Variants in CCHCR1 observed in about 807,000 individuals in gnomAD.
CCHCR1 encodes the protein coiled-coil alpha-helical rod protein 1.
In CCHCR1, 91 loss-of-function variants were observed where a neutral mutation model predicts 114.6. The observed-to-expected ratio is 0.79, with a 90% CI of 0.67 to 0.94. The LOEUF is 0.94. CCHCR1 is among the 40% of genes least tolerant of loss of function. The probability of loss-of-function intolerance (pLI) is 0.00; values close to 1 mark genes in which losing one functional copy is unlikely to be tolerated. For synonymous variants in CCHCR1, 379 were observed against 428.5 expected, an observed-to-expected ratio of 0.88 and a Z score of 1.43; for missense variants, 899 against 1,079.9, an observed-to-expected ratio of 0.83 and a Z score of 2.35.
chr6:31,158,053 C>G, upstream of CCHCR1: 1 of 187,298 alleles, frequency 5.3e-6, no homozygotes, highest in Non-Finnish European at 1.1e-5. Flanking sequence ...ATCTCTTCAT[C>G]TGTCCCTTCA....
Position 31,157,666 on chromosome 6 carries a change from A to T in CCHCR1, c.-66T>A. 1 of 1,301,320 alleles carries T rather than the reference A, an allele frequency of 7.7e-7. No homozygotes were observed. Among genetic ancestry groups the T allele is most frequent in the Non-Finnish European group, 1.1e-6 (1 of 928,718 alleles). 80.6% of individuals were successfully genotyped at this position (1,301,320 alleles called of 1,614,324 possible). ...GCCTAGATCCCCAGGCAGAAAAGCC[A>T]GCGTCCTGACATCTTATTCAAATCT... On this transcript the variant is annotated 5_prime_UTR_variant, in exon 1 of 18. Coordinates refer to ENST00000396268, the MANE Select transcript of CCHCR1 (RefSeq NM_001105564.2).
intron 3 of CCHCR1, among the ~76,000 whole-genome samples, chr6:31,155,125 T>C (rs1775803151): frequency 6.6e-6 from 1 of 152,044 alleles, no homozygotes; most frequent in Admixed American, 6.6e-5. Flanking sequence ...ATTCTTTTTG[T>C]TTTTTGGTGG....
rs778324681 is a variant in CCHCR1 at position 31,142,987 on chromosome 6, C to G, written c.2467G>C (p.Val823Leu). 1.9e-6 allele frequency: 3 copies of G among 1,612,552 alleles called. No individual in the cohort carries two copies. The highest frequency in any genetic ancestry group is 1.7e-6 in the Non-Finnish European group (2 of 1,179,718). Reference sequence around the variant, plus strand: ...CCTTTTATGGACTCCCTGGTGGGCACTGCTGCTGCTACAGGTGCAGATGCT... The same window carrying G: ...CCTTTTATGGACTCCCTGGTGGGCAGTGCTGCTGCTACAGGTGCAGATGCT... The part of the protein sequence containing the change: ...CSASAPVAAA[V>L]PTRESIKGSL... Residue 823 changes from valine to leucine, a missense_variant, in exon 17 of 18, where the codon GTG becomes CTG. By Grantham distance (32) the Val-to-Leu change is conservative (BLOSUM62 1). Coordinates refer to ENST00000396268, the MANE Select transcript of CCHCR1 (RefSeq NM_001105564.2).
intron 10 of CCHCR1, among the ~76,000 whole-genome samples, chr6:31,146,878 T>C (rs9263750): frequency 0.16 from 24,121 of 152,112 alleles, 2,029 homozygotes; most frequent in South Asian, 0.17. Flanking sequence ...GGATTGAACC[T>C]GGGTGGTAGG....
Position 31,142,452 on chromosome 6 carries a change from G to T in CCHCR1, c.*140C>A. On this transcript the variant is annotated 3_prime_UTR_variant, in exon 18 of 18. Transcript: ENST00000396268. ...CCAAACAATGGCTCCTTCTGTAGTC[G>T]TCTTTATTTAGAGCAGAATTCAGAC... The T allele has an allele frequency of 1.5e-6, 1 of 669,982 alleles. No individual in the cohort carries two copies. Among genetic ancestry groups the T allele is most frequent in the Non-Finnish European group, 2.5e-6 (1 of 397,534 alleles). The allele number at this position is 669,982 out of a possible 1,614,324, so 41.5% of individuals were successfully genotyped here.
Position 31,142,487 on chromosome 6 carries a change from A to T in CCHCR1, c.*105T>A. The T allele has an allele frequency of 4.0e-6, 4 of 1,011,780 alleles. No individual in the cohort carries two copies. The South Asian group carries it at 6.2e-5, about 16-fold the overall frequency. The allele number at this position is 1,011,780 out of a possible 1,614,324, so 62.7% of individuals were successfully genotyped here. ...AGAGCAGAATTCAGACTCAGCTGGT[A>T]TCCCCCAGGGCAACCCCAGGATGGG... On this transcript the variant is annotated 3_prime_UTR_variant, in exon 18 of 18. Transcript: ENST00000396268.
intron 10 of CCHCR1, among the ~76,000 whole-genome samples, chr6:31,147,390 ACT>A (rs1774487890): frequency 1.6e-5 from 2 of 125,004 alleles, no homozygotes; most frequent in African/African-American, 3.3e-5. Flanking sequence ...ACAGTGCGAG[ACT>A]CTGTCTCAAA....
chr6:31,142,925 C>A, intron 17 of CCHCR1, 38 bp downstream of exon 17: 1 of 1,594,890 alleles, frequency 6.3e-7, no homozygotes, highest in Non-Finnish European at 8.6e-7. Flanking sequence ...CTGAAGTGCG[C>A]GCATTTGTCC....
At chr6:31,152,296 AAC>A (rs1775354984) in intron 4 of CCHCR1, among the ~76,000 whole-genome samples, 1 of 151,682 alleles carries the variant, frequency 6.6e-6, no homozygotes, top group Non-Finnish European at 1.5e-5. Context: ...AAAAAAAAAA[AAC>A]AACCTTTCAA....
chr6:31,157,890 T>C (rs1776325477), upstream of CCHCR1: 2 of 506,766 alleles, frequency 3.9e-6, no homozygotes, highest in Admixed American at 6.8e-5. Flanking sequence ...TCTACCTTTT[T>C]CTGAAGGAAT....
rs181951869 is a variant in CCHCR1, at chr6:31,156,639, A to G, written c.497+92T>C. On this transcript the variant is annotated intron_variant, in intron 3 of 17. Transcript: ENST00000396268. ...TTACATAAAAATGAGTACGTTCTGG[A>G]AACTAGGGCCGAAATAGGGTAAGGA... 5,201 of 1,103,298 alleles carry G rather than the reference A, an allele frequency of 4.7e-3. 77 individuals carry two copies. The highest frequency in any genetic ancestry group is 0.03 in the South Asian group (2,211 of 73,634). 68.3% of individuals were successfully genotyped at this position (1,103,298 alleles called of 1,614,324 possible).
At chr6:31,157,903 T>A (rs1776329201), upstream of CCHCR1, 1 of 479,028 alleles carries the variant, frequency 2.1e-6, no homozygotes, top group South Asian at 2.4e-5. Flanking sequence ...GAAGGAATTA[T>A]TCTGGTCCTG....
At chr6:31,149,842 T>C (rs3130498) in intron 8 of CCHCR1, among the ~76,000 whole-genome samples, 113,602 of 152,082 alleles carry the variant, frequency 0.75, 42,458 homozygotes, top group Middle Eastern at 0.85. Flanking sequence ...CCACTGCACC[T>C]GGCTTCAATC....
At position 31,145,203 on chromosome 6, in the gene CCHCR1, G is replaced by T. The variant is rs751470127; in HGVS notation, c.1839C>A (p.Arg613=). The T allele has an allele frequency of 1.9e-6, 3 of 1,613,250 alleles. No individual in the cohort carries two copies. The highest frequency in any genetic ancestry group is 2.7e-5 in the African/African-American group (2 of 75,054). Residue 613 remains arginine (R), a synonymous_variant, in exon 13 of 18, where the codon CGC becomes CGA. Coordinates refer to ENST00000396268, the MANE Select transcript of CCHCR1 (RefSeq NM_001105564.2). ...RLDAELQLSA[R]LIQQEVGRAR... is the part of the protein sequence containing the mutation. ...CCCGGCCCACCTCCTGCTGGATGAGGCGGGCACTCAGCTGCAGTTCTGCAT... is the reference window on the plus strand; with the variant it reads ...CCCGGCCCACCTCCTGCTGGATGAGTCGGGCACTCAGCTGCAGTTCTGCAT...
In CCHCR1 at chr6:31,144,276, C is replaced by G. The variant is rs1773976727; in HGVS notation, c.2167+411G>C. 6.6e-6 allele frequency among the ~76,000 whole-genome samples: 1 copy of G among 152,126 alleles called. No homozygotes were observed. Among genetic ancestry groups the G allele is most frequent in the Non-Finnish European group, 1.5e-5 (1 of 68,024 alleles). On this transcript the variant is annotated intron_variant, in intron 15 of 17. Coordinates refer to ENST00000396268, the MANE Select transcript of CCHCR1 (RefSeq NM_001105564.2). The surrounding 1 kb of genome is among the most constrained non-coding windows in gnomAD (Gnocchi z 4.6). ...TGGCACAATCTTGGCTCACTGCAGC[C>G]TCGACCTCCCGGGTTCATGTAGTCT...
At chr6:31,152,163 C>T (rs1029545315) in intron 4 of CCHCR1, among the ~76,000 whole-genome samples, 8 of 150,508 alleles carry the variant, frequency 5.3e-5, no homozygotes, top group Non-Finnish European at 8.9e-5. Context: ...GGCGTGGTGG[C>T]GGGCGCCTGT....
At position 31,151,151 on chromosome 6, in the gene CCHCR1, G is replaced by A; in HGVS notation, c.802-29C>T. Reference sequence around the variant, plus strand: ...CGGAAAGAAGAGGGGGCTCAGCAGAGGCTCGACCCCACATGGAGGCCTTCC... The same window carrying A: ...CGGAAAGAAGAGGGGGCTCAGCAGAAGCTCGACCCCACATGGAGGCCTTCC... On this transcript the variant is annotated intron_variant, in intron 4 of 17. Coordinates refer to ENST00000396268, the MANE Select transcript of CCHCR1 (RefSeq NM_001105564.2). This position sits in a 1 kb window ranked among gnomAD's most constrained non-coding sequence, Gnocchi z 4.1. 6.3e-7 allele frequency: 1 copy of A among 1,599,430 alleles called. No homozygotes were observed. Among genetic ancestry groups the A allele is most frequent in the Non-Finnish European group, 8.5e-7 (1 of 1,173,952 alleles).
chr6:31,146,627 G>C (rs1774374193), intron 10 of CCHCR1, among the ~76,000 whole-genome samples: 1 of 152,222 alleles, frequency 6.6e-6, no homozygotes, highest in African/African-American at 2.4e-5. Context: ...AGTTCACTTT[G>C]ATCTGGAAAT....
At chr6:31,142,774 G>A in intron 17 of CCHCR1, 58 bp from the exon 18 acceptor site, 1 of 1,582,372 alleles carries the variant, frequency 6.3e-7, no homozygotes, top group South Asian at 1.1e-5. Context: ...TGGTTACAGA[G>A]GAAACAGGGC....
Sources: allele counts gnomAD v4.1 joint callset (sites outside exome capture counted in the v4.1 genomes callset), GRCh38; gene constraint gnomAD v4.1.1; non-coding constraint Gnocchi (gnomAD v3.1); transcripts MANE v1.5; gene names NCBI Gene and HGNC (gene_info 2026-07-23, HGNC 2026-07-21).